The following THSD4 variants were observed in gnomAD, a reference collection of about 807,000 sequenced individuals.
THSD4 encodes the protein thrombospondin type-1 domain-containing protein 4.
A neutral mutation model predicts 119.0 loss-of-function variants in THSD4; 69 were observed. That is an observed-to-expected ratio of 0.58 (90% CI 0.48 to 0.71). The LOEUF (loss-of-function observed/expected upper bound fraction) is 0.71. Among genes scored for constraint, THSD4 ranks in the 30% least tolerant of loss-of-function variants. The pLI is 0.00. For synonymous variants in THSD4, 524 were observed against 540.4 expected, an observed-to-expected ratio of 0.97 and a Z score of 0.42; for missense variants, 1,393 against 1,391.1, an observed-to-expected ratio of 1.00 and a Z score of -0.02.
intron 6 of THSD4, among the ~76,000 whole-genome samples, chr15:71,310,165 CCTAT>C (rs10580276): frequency 0.9 from 136,460 of 151,974 alleles, 62,688 homozygotes; most frequent in East Asian, 1. Flanking sequence ...ATTTTACCTA[CCTAT>C]CTGTCTTTTA....
At chr15:71,339,794 T>G (rs1258565733) in intron 6 of THSD4, among the ~76,000 whole-genome samples, 1 of 152,096 alleles carries the variant, frequency 6.6e-6, no homozygotes, top group Admixed American at 6.5e-5. Flanking sequence ...AGATGGAGTC[T>G]TACTCTGTCA....
At chr15:71,535,239 CT>C (rs2048673603) in intron 7 of THSD4, among the ~76,000 whole-genome samples, 1 of 152,176 alleles carries the variant, frequency 6.6e-6, no homozygotes, top group African/African-American at 2.4e-5. Flanking sequence ...AACGAATGGT[CT>C]TTTGTGACCG....
At chr15:71,371,257 TG>T (rs1232349707) in intron 6 of THSD4, among the ~76,000 whole-genome samples, 2 of 152,234 alleles carry the variant, frequency 1.3e-5, no homozygotes, top group African/African-American at 4.8e-5. Flanking sequence ...GTCTTTTAAT[TG>T]TAGCATTTAG....
chr15:71,516,457 A>G (rs980798084), intron 7 of THSD4, among the ~76,000 whole-genome samples: 3 of 152,180 alleles, frequency 2.0e-5, no homozygotes, highest in African/African-American at 7.2e-5. Context: ...TTTCTCTTCT[A>G]TGACAATTGA....
chr15:71,451,047 A>G (rs998636284), intron 7 of THSD4, among the ~76,000 whole-genome samples: 39 of 152,134 alleles, frequency 2.6e-4, no homozygotes, highest in Non-Finnish European at 4.4e-5. Flanking sequence ...ACATGGTGGC[A>G]CACACCTATA....
At chr15:71,200,428 C>T (rs916085334) in intron 3 of THSD4, among the ~76,000 whole-genome samples, 3 of 152,094 alleles carry the variant, frequency 2.0e-5, no homozygotes, top group African/African-American at 7.2e-5. Flanking sequence ...GGTATTATGG[C>T]CGAGGACCCT....
intron 4 of THSD4, among the ~76,000 whole-genome samples, chr15:71,226,641 G>C (rs963078990): frequency 6.6e-6 from 1 of 152,184 alleles, no homozygotes; most frequent in African/African-American, 2.4e-5. Context: ...AGAGCTGACT[G>C]GGCCTCTTCG....
rs6494924 is a variant in THSD4 at position 71,424,705 on chromosome 15, C to G, written c.1152+12882C>G. Among the ~76,000 whole-genome samples, 4 of 152,108 alleles carry G rather than the reference C, an allele frequency of 2.6e-5. No individual in the cohort carries two copies. In the East Asian group the frequency reaches 7.7e-4, roughly 29 times the overall value. Reference sequence around the variant, plus strand: ...TTAACAGAGAGCACGATTATAATTTCTATTATTAAACATCACATTAACCAC... The same window carrying G: ...TTAACAGAGAGCACGATTATAATTTGTATTATTAAACATCACATTAACCAC... On this transcript the variant is annotated intron_variant, in intron 7 of 17. Coordinates refer to ENST00000261862, the MANE Select transcript of THSD4 (RefSeq NM_024817.3).
At chr15:71,342,831 G>GCACA (rs1427275505) in intron 6 of THSD4, 1 of 152,188 alleles carries the variant, frequency 6.6e-6, no homozygotes, top group Admixed American at 6.5e-5. Context: ...TGTGTGCCAG[G>GCACA]CACACCCAGA....
chr15:71,674,557 C>T (rs563074028), intron 8 of THSD4, among the ~76,000 whole-genome samples: 1 of 152,152 alleles, frequency 6.6e-6, no homozygotes, highest in Admixed American at 6.5e-5. Context: ...GCCTGAGTCC[C>T]ACCTGCATGT....
At chr15:71,467,002 A>G (rs72760688) in intron 7 of THSD4, among the ~76,000 whole-genome samples, 122 of 152,236 alleles carry the variant, frequency 8.0e-4, no homozygotes, top group Non-Finnish European at 1.6e-3. Context: ...CGCGTTTGTA[A>G]CTCACATCCC....
At chr15:71,511,263 T>G (rs983207495) in intron 7 of THSD4, among the ~76,000 whole-genome samples, 1 of 152,120 alleles carries the variant, frequency 6.6e-6, no homozygotes, top group Non-Finnish European at 1.5e-5. Flanking sequence ...ACATTTGGTA[T>G]TGGACTGAGG....
chr15:71,651,411 A>G (rs193026713), intron 7 of THSD4, among the ~76,000 whole-genome samples: 35 of 152,290 alleles, frequency 2.3e-4, no homozygotes, highest in African/African-American at 7.9e-4. Flanking sequence ...AGAGCTCTTC[A>G]GCCTGCCATT....
chr15:71,660,478 C>A (rs1214051376), intron 7 of THSD4, 52 bp from the exon 8 acceptor site: 1 of 1,606,038 alleles, frequency 6.2e-7, no homozygotes, highest in Non-Finnish European at 8.5e-7. Flanking sequence ...CTTCCTTCCT[C>A]TGCATGCTCC....
At chr15:71,194,560 G>A (rs1215601801) in intron 3 of THSD4, among the ~76,000 whole-genome samples, 3 of 152,290 alleles carry the variant, frequency 2.0e-5, no homozygotes, top group East Asian at 3.9e-4. Context: ...GCCCTCCTGG[G>A]CCCGGTTCCT....
rs112974096 is a variant in THSD4, at chr15:71,678,801, C to T, written c.1357+18067C>T. ...AATGTCAGCATGGGAAAGACTCACT[C>T]CTTCTGTCTGAATTCTGAATCAATA... is the stretch of plus-strand genomic sequence containing the variant. On this transcript the variant is annotated intron_variant, in intron 8 of 17. Transcript: ENST00000261862. Among the ~76,000 whole-genome samples the T allele has an allele frequency of 9.3e-3, 1,423 of 152,296 alleles. 22 individuals carry two copies. Among genetic ancestry groups the T allele is most frequent in the African/African-American group, 0.032 (1,350 of 41,546 alleles).
Position 71,735,592 on chromosome 15 carries a change from C to T in THSD4, c.1631-2140C>T, listed in dbSNP as rs556370795. 7.2e-5 allele frequency among the ~76,000 whole-genome samples: 11 copies of T among 151,786 alleles called. No individual in the cohort carries two copies. In the East Asian group the frequency reaches 2.1e-3, roughly 30 times the overall value. ...TCTCGCACTCTCTGTTTCTCTCTCT[C>T]TCTCTTGCTCTCTGTCTCTCTTGCT... On this transcript the variant is annotated intron_variant, in intron 10 of 17. Transcript: ENST00000261862.
At chr15:71,321,263 C>T (rs1273730240) in intron 6 of THSD4, among the ~76,000 whole-genome samples, 4 of 145,546 alleles carry the variant, frequency 2.7e-5, no homozygotes, top group South Asian at 2.1e-4. Flanking sequence ...AGGCCAGGCG[C>T]GGTGGCTCAA....
At position 71,677,664 on chromosome 15, in the gene THSD4, C is replaced by G. The variant is rs527570190; in HGVS notation, c.1357+16930C>G. ...AAAGGAAATCAACTCTGCCCCACCC[C>G]CTTCTGCTGATTGTTTCACATTTTC... On this transcript the variant is annotated intron_variant, in intron 8 of 17. Transcript: ENST00000261862. Among the ~76,000 whole-genome samples, 5 of 152,292 alleles carry G rather than the reference C, an allele frequency of 3.3e-5. No individual in the cohort carries two copies. The South Asian group carries it at 6.2e-4, about 19-fold the overall frequency.
Sources: allele counts gnomAD v4.1 joint callset (sites outside exome capture counted in the v4.1 genomes callset), GRCh38; gene constraint gnomAD v4.1.1; transcripts MANE v1.5; gene names NCBI Gene and HGNC (gene_info 2026-07-23, HGNC 2026-07-21).